NLGN1: variants seen among roughly 807,000 people sequenced by gnomAD.
NLGN1 encodes the protein neuroligin 1.
Under a neutral mutation model 65.5 loss-of-function variants are expected in NLGN1, and 12 were observed. The observed-to-expected ratio is 0.18, with a 90% CI of 0.12 to 0.30. NLGN1 has a LOEUF of 0.30. Among genes scored for constraint, NLGN1 ranks in the 10% least tolerant of loss-of-function variants. The pLI is 1.00. For synonymous variants in NLGN1, 350 were observed against 359.5 expected, an observed-to-expected ratio of 0.97 and a Z score of 0.30; for missense variants, 750 against 1,007.1, an observed-to-expected ratio of 0.74 and a Z score of 3.46.
At chr3:173,799,175 A>C (rs1027689006) in intron 3 of NLGN1, among the ~76,000 whole-genome samples, 1 of 151,806 alleles carries the variant, frequency 6.6e-6, no homozygotes, top group Non-Finnish European at 1.5e-5. Context: ...GCTTACTGCT[A>C]TGTGATTGGC....
intron 4 of NLGN1, among the ~76,000 whole-genome samples, chr3:174,246,969 T>A (rs927459385): frequency 8.5e-5 from 13 of 152,202 alleles, no homozygotes; most frequent in African/African-American, 3.1e-4. Flanking sequence ...AGCCTCATTA[T>A]GCTATGGTCC....
At chr3:173,838,771 G>A (rs1022747274) in intron 4 of NLGN1, among the ~76,000 whole-genome samples, 1 of 152,136 alleles carries the variant, frequency 6.6e-6, no homozygotes, top group Admixed American at 6.6e-5. Context: ...AGAAAAATGG[G>A]ACTTATGATT....
intron 4 of NLGN1, among the ~76,000 whole-genome samples, chr3:173,987,739 AT>A (rs1202918732): frequency 6.6e-6 from 1 of 152,164 alleles, no homozygotes; most frequent in Non-Finnish European, 1.5e-5. Flanking sequence ...CCCTGTAGTT[AT>A]TTTTAGTTGT....
chr3:173,547,468 C>T (rs771734164), intron 2 of NLGN1, among the ~76,000 whole-genome samples: 17 of 152,210 alleles, frequency 1.1e-4, no homozygotes, highest in South Asian at 6.2e-4. Context: ...GTCTCTGCAA[C>T]GCACAAAAAT....
chr3:173,803,004 A>C (rs895327297), intron 3 of NLGN1, among the ~76,000 whole-genome samples: 1 of 151,914 alleles, frequency 6.6e-6, no homozygotes, highest in African/African-American at 2.4e-5. Context: ...CACCATGCCC[A>C]GCTAATTTTT....
chr3:174,234,808 T>A (rs1270541488), intron 4 of NLGN1, among the ~76,000 whole-genome samples: 2 of 152,106 alleles, frequency 1.3e-5, no homozygotes, highest in African/African-American at 4.8e-5. Context: ...ATCATTCAGT[T>A]ATGCTTTTAG....
intron 4 of NLGN1, among the ~76,000 whole-genome samples, chr3:173,839,157 G>A (rs1277740443): frequency 6.9e-6 from 1 of 145,660 alleles, no homozygotes; most frequent in African/African-American, 2.5e-5. Context: ...TGGTTAATAT[G>A]AATAGTAAAC....
chr3:174,012,431 T>G (rs2152443490), intron 4 of NLGN1, among the ~76,000 whole-genome samples: 1 of 152,274 alleles, frequency 6.6e-6, no homozygotes, highest in African/African-American at 2.4e-5. Context: ...CATTTCCCAC[T>G]CAAAAGGCAC....
intron 4 of NLGN1, among the ~76,000 whole-genome samples, chr3:174,160,302 G>T (rs1275908496): frequency 6.6e-6 from 1 of 151,584 alleles, no homozygotes; most frequent in Non-Finnish European, 1.5e-5. Flanking sequence ...TGAAGAAGTT[G>T]TAGACCTGTA....
chr3:174,066,631 C>T (rs546038366), intron 4 of NLGN1, among the ~76,000 whole-genome samples: 19 of 148,200 alleles, frequency 1.3e-4, no homozygotes, highest in Admixed American at 4.1e-4. Flanking sequence ...TAGATAGTTC[C>T]ACTGTAGTGA....
chr3:173,831,687 G>A (rs1051993968), intron 4 of NLGN1, among the ~76,000 whole-genome samples: 3 of 151,978 alleles, frequency 2.0e-5, no homozygotes, highest in African/African-American at 2.4e-5. Context: ...TAACAATCAC[G>A]TGCATTTTAT....
intron 2 of NLGN1, among the ~76,000 whole-genome samples, chr3:173,539,519 ATATG>A (rs1309177027): frequency 1.4e-5 from 2 of 144,206 alleles, no homozygotes. Flanking sequence ...ATGTACATGT[ATATG>A]TATATATACA....
At chr3:173,729,953 T>C (rs1163578255) in intron 3 of NLGN1, among the ~76,000 whole-genome samples, 2 of 152,012 alleles carry the variant, frequency 1.3e-5, no homozygotes, top group African/African-American at 2.4e-5. Context: ...AGTTTCTGAA[T>C]AGGTCAGTGA....
At chr3:173,533,766 G>C (rs182153273) in intron 2 of NLGN1, among the ~76,000 whole-genome samples, 3 of 152,106 alleles carry the variant, frequency 2.0e-5, no homozygotes, top group Non-Finnish European at 4.4e-5. Flanking sequence ...GGCAGCTCTC[G>C]AGCTCAGAAG....
intron 2 of NLGN1, among the ~76,000 whole-genome samples, chr3:173,440,375 G>C (rs1718953957): frequency 6.6e-6 from 1 of 152,002 alleles, no homozygotes; most frequent in Non-Finnish European, 1.5e-5. Flanking sequence ...TGTTCTCAGT[G>C]GCACCTAGGA....
At chr3:174,025,224 A>C (rs925507014) in intron 4 of NLGN1, among the ~76,000 whole-genome samples, 2 of 152,206 alleles carry the variant, frequency 1.3e-5, no homozygotes, top group African/African-American at 4.8e-5. Flanking sequence ...TTTTCAAATG[A>C]GGTCACTAAG....
intron 2 of NLGN1, among the ~76,000 whole-genome samples, chr3:173,498,229 G>A (rs192378911): frequency 0.061 from 8,827 of 145,478 alleles, 335 homozygotes; most frequent in South Asian, 0.14. Flanking sequence ...AACAGTCCCC[G>A]GTGTGTGATG....
chr3:173,754,038 GTTT>G (rs967167484), intron 3 of NLGN1, among the ~76,000 whole-genome samples: 2 of 81,932 alleles, frequency 2.4e-5, no homozygotes, highest in South Asian at 3.8e-4. Context: ...TTTTTTTTTT[GTTT>G]TTTTTTTTGT....
At chr3:173,506,429 TA>T (rs1249214537) in intron 2 of NLGN1, among the ~76,000 whole-genome samples, 2 of 152,146 alleles carry the variant, frequency 1.3e-5, no homozygotes, top group Non-Finnish European at 2.9e-5. Flanking sequence ...TGCTGAATTG[TA>T]ACATTTCCCT....
Sources: allele counts gnomAD v4.1 joint callset (sites outside exome capture counted in the v4.1 genomes callset), GRCh38; gene constraint gnomAD v4.1.1; transcripts MANE v1.5; gene names NCBI Gene and HGNC (gene_info 2026-07-23, HGNC 2026-07-21).